The following GGT1 variants were observed in gnomAD, a reference collection of about 807,000 sequenced individuals.
GGT1 encodes the protein gamma-glutamyltransferase 1.
GGT1 carries 21 observed loss-of-function variants against 56.0 expected under a neutral mutation model. The observed-to-expected ratio is 0.38, with a 90% CI of 0.27 to 0.54. GGT1 has a LOEUF of 0.54. Ranked by LOEUF, GGT1 falls within the 20% of genes least tolerant of loss-of-function variation. The pLI is 0.82. For missense variants in GGT1, 466 were observed against 787.0 expected (o/e 0.59, Z 4.88); for synonymous variants, 238 against 342.6 (o/e 0.69, Z 3.37).
Position 24,614,876 on chromosome 22 carries a change from C to T in GGT1, c.265C>T (p.Leu89Phe). ...CCACAGCATGGGCATCGGGGGTGGC[C>T]TCTTCCTCACCATCTACAACAGCAC... is the stretch of plus-strand genomic sequence containing the variant. ...NAHSMGIGGG[L>F]FLTIYNSTTR... The change falls in exon 6 of 16, where the codon CTC becomes TTC. Residue 89 changes from leucine to phenylalanine, a missense_variant. This residue lies in a region of GGT1 where 456 missense variants were observed against 716.7 expected (regional missense o/e 0.64). Coordinates refer to ENST00000400382, the MANE Select transcript of GGT1 (RefSeq NM_001288833.2). The T allele has an allele frequency of 6.2e-7, 1 of 1,613,466 alleles. No homozygotes were observed. The highest frequency in any genetic ancestry group is 8.5e-7 in the Non-Finnish European group (1 of 1,179,670).
At chr22:24,617,561 G>A (rs2047150504) in intron 7 of GGT1, among the ~76,000 whole-genome samples, 1 of 152,048 alleles carries the variant, frequency 6.6e-6, no homozygotes, top group Non-Finnish European at 1.5e-5. Flanking sequence ...TTTGAGGATG[G>A]GTTGGGTGTG....
At chr22:24,588,257 G>T in the GGT1 span, 1 of 1,613,466 alleles carries the variant, frequency 6.2e-7, no homozygotes, top group African/African-American at 1.3e-5. Flanking sequence ...CCTTGCTGCT[G>T]CTTCGAGTGA....
chr22:24,606,045 TC>T (rs2046292212), intron 1 of GGT1, among the ~76,000 whole-genome samples: 1 of 89,370 alleles, frequency 1.1e-5, no homozygotes, highest in Non-Finnish European at 2.0e-5. Context: ...ATATAATATA[TC>T]ATATATTATA....
rs1417877761 is a variant in GGT1, at chr22:24,605,101, ATTATATT to A, written c.-429+1575_-429+1581del. Among the ~76,000 whole-genome samples the A allele has an allele frequency of 1.0e-3, 30 of 28,584 alleles. 1 individual carries two copies. The highest frequency in any genetic ancestry group is 3.8e-3 in the East Asian group (4 of 1,052). The allele number at this position is 28,584 out of a possible 152,430, so 18.8% of individuals were successfully genotyped here. A position where few individuals can be genotyped will look rare whatever the true frequency, so the allele number is the denominator to read the frequency against. On this transcript the variant is annotated intron_variant, in intron 1 of 15. Transcript: ENST00000400382. ...ATATAAAGTATATTATATAATATGT[ATTATATT>A]ATATATTATATAATATGTAATATAT...
the GGT1 span, among the ~76,000 whole-genome samples, chr22:24,584,743 C>A: frequency 1.3e-5 from 2 of 152,010 alleles, no homozygotes; most frequent in South Asian, 4.1e-4. Flanking sequence ...GACCTTACCT[C>A]CTGGCTTAGC....
At chr22:24,614,348 CAAAAAAAAAAAAAA>C (rs534749815) in intron 5 of GGT1, among the ~76,000 whole-genome samples, 193 of 10,732 alleles carry the variant, frequency 0.018, 6 homozygotes, top group Non-Finnish European at 6.1e-3. Flanking sequence ...GACTTTGTCT[CAAAAAAAAAAAAAA>C]AAAAAAAAAA....
At chr22:24,592,809 A>C (rs896365116), upstream of GGT1, 1 of 1,235,714 alleles carries the variant, frequency 8.1e-7, no homozygotes, top group Admixed American at 4.2e-5. Context: ...AGACCCCCAG[A>C]CCCCCAGACC....
upstream of GGT1, among the ~76,000 whole-genome samples, chr22:24,600,326 G>C (rs2045762424): frequency 6.6e-6 from 1 of 152,252 alleles, no homozygotes; most frequent in African/African-American, 2.4e-5. Context: ...ACTGAGGCTA[G>C]GAAGGGAAAG....
At chr22:24,590,488 C>G (rs1041927809), upstream of GGT1, among the ~76,000 whole-genome samples, 5 of 152,038 alleles carry the variant, frequency 3.3e-5, no homozygotes, top group African/African-American at 4.8e-5. Context: ...ATCCCAGAAC[C>G]CTTAGACCAG....
chr22:24,604,514 T>TTGGA (rs1452740911), intron 1 of GGT1, among the ~76,000 whole-genome samples: 5 of 152,034 alleles, frequency 3.3e-5, no homozygotes, highest in African/African-American at 1.2e-4. Flanking sequence ...TGCACGTGTG[T>TTGGA]TGGAAGTGGG....
In GGT1 at chr22:24,607,940, C is replaced by T. The variant is rs1308301802; in HGVS notation, c.-428-14C>T. 9 of 467,584 alleles carry T rather than the reference C, an allele frequency of 1.9e-5. No homozygotes were observed. Among genetic ancestry groups the T allele is most frequent in the South Asian group, 1.2e-4 (8 of 64,286 alleles). The allele number at this position is 467,584 out of a possible 1,614,324, so 29.0% of individuals were successfully genotyped here. ...GACTTTCCCAGGCAGACAAGTCTGT[C>T]TCTTCCTCCCCAGCGGGTGCAGCCC... On this transcript the variant is annotated splice_polypyrimidine_tract_variant and intron_variant, in intron 1 of 15. Transcript: ENST00000400382.
At chr22:24,592,744 C>T (rs1815250235), upstream of GGT1, 1 of 1,288,494 alleles carries the variant, frequency 7.8e-7, no homozygotes, top group Admixed American at 3.8e-5. Context: ...CAGAGACCAG[C>T]TCCGCCTCGC....
At chr22:24,612,937 C>T (rs578173614) in intron 5 of GGT1, among the ~76,000 whole-genome samples, 7 of 152,192 alleles carry the variant, frequency 4.6e-5, no homozygotes, top group East Asian at 1.9e-4. Context: ...GTGATCTTCC[C>T]GCCTCAGCTT....
upstream of GGT1, chr22:24,592,834 GC>G: frequency 7.8e-7 from 1 of 1,275,584 alleles, no homozygotes; most frequent in South Asian, 2.3e-5. Context: ...CTGGCCGCCA[GC>G]CCAGGGGCGG....
In GGT1 at chr22:24,620,228, C is replaced by G; in HGVS notation, c.383-100C>G. The G allele has an allele frequency of 2.9e-6, 4 of 1,387,916 alleles. No homozygotes were observed. In the South Asian group the frequency reaches 5.3e-5, roughly 18 times the overall value. 86.0% of individuals were successfully genotyped at this position (1,387,916 alleles called of 1,614,324 possible). A position where few individuals can be genotyped will look rare whatever the true frequency, so the allele number is the denominator to read the frequency against. ...ATCTTTCCTCCTAAGCCTCATTGCC[C>G]CATCTGTAAAATGAGTCAGGGACTG... On this transcript the variant is annotated intron_variant, in intron 7 of 15. Coordinates refer to ENST00000400382, the MANE Select transcript of GGT1 (RefSeq NM_001288833.2). This position sits in a 1 kb window ranked among gnomAD's most constrained non-coding sequence, Gnocchi z 5.6.
intron 5 of GGT1, among the ~76,000 whole-genome samples, chr22:24,611,580 A>G (rs1347902460): frequency 6.7e-6 from 1 of 148,934 alleles, no homozygotes; most frequent in East Asian, 2.0e-4. Flanking sequence ...CTATCTATCT[A>G]TCTATCTATC....
At chr22:24,603,768 G>A (rs1323174901) in intron 1 of GGT1, among the ~76,000 whole-genome samples, 2 of 151,848 alleles carry the variant, frequency 1.3e-5, no homozygotes, top group African/African-American at 4.8e-5. Flanking sequence ...TGGGGGCGGG[G>A]GGTCAGCTCT....
At chr22:24,590,584 T>C (rs955347142), upstream of GGT1, among the ~76,000 whole-genome samples, 1 of 152,154 alleles carries the variant, frequency 6.6e-6, no homozygotes, top group Middle Eastern at 3.2e-3. Flanking sequence ...TTTCGTCTTA[T>C]GGTGGGGGGG....
chr22:24,624,684 G>T (rs534485258), intron 11 of GGT1: 2 of 983,640 alleles, frequency 2.0e-6, no homozygotes, highest in Non-Finnish European at 2.4e-6. Context: ...CTGGCTCGGG[G>T]TGCTGTTCCT....
Sources: gnomAD v4.1 joint callset for allele counts (sites outside exome capture counted in the v4.1 genomes callset) on GRCh38, gnomAD v4.1.1 for gene constraint, gnomAD v4.1.1 regional missense constraint, Gnocchi (gnomAD v3.1) non-coding constraint, MANE v1.5 for transcripts, NCBI Gene and HGNC (gene_info 2026-07-23, HGNC 2026-07-21) for gene names.